Variants in GSG1L observed in about 807,000 individuals in gnomAD.
GSG1L encodes GSG1 like, also known as germ cell-specific gene 1-like protein.
A neutral mutation model predicts 42.1 loss-of-function variants in GSG1L; 24 were observed. The observed-to-expected ratio is 0.57, with a 90% confidence interval of 0.41 to 0.80. The LOEUF (loss-of-function observed/expected upper bound fraction) is 0.80, where lower values mean the gene tolerates loss of function less well. GSG1L is among the 30% of genes least tolerant of loss of function. GSG1L has a pLI of 0.00. For missense variants in GSG1L, 445 were observed against 472.2 expected (o/e 0.94, Z 0.53); for synonymous variants, 215 against 203.5 (o/e 1.06, Z -0.48).
intron 2 of GSG1L, among the ~76,000 whole-genome samples, chr16:27,908,912 C>T (rs1439298760): frequency 1.3e-5 from 2 of 152,180 alleles, no homozygotes; most frequent in African/African-American, 2.4e-5. Context: ...CCTCTTCCCA[C>T]CCCACCCCAA....
intron 2 of GSG1L, among the ~76,000 whole-genome samples, chr16:27,936,454 C>T (rs2084719212): frequency 6.6e-6 from 1 of 152,172 alleles, no homozygotes; most frequent in Non-Finnish European, 1.5e-5. Context: ...CCCGGCACCT[C>T]CCTCCGTCTC....
At chr16:27,843,172 T>C (rs2083405824) in intron 4 of GSG1L, among the ~76,000 whole-genome samples, 1 of 152,202 alleles carries the variant, frequency 6.6e-6, no homozygotes, top group Non-Finnish European at 1.5e-5. Context: ...GCTCCCCAAC[T>C]ACCAGCCCCA....
chr16:28,057,587 T>C (rs1361557803), intron 1 of GSG1L, among the ~76,000 whole-genome samples: 1 of 152,182 alleles, frequency 6.6e-6, no homozygotes, highest in African/African-American at 2.4e-5. Flanking sequence ...TCAAAGACAC[T>C]GGGAACACTG....
intron 3 of GSG1L, among the ~76,000 whole-genome samples, chr16:27,869,602 TGTCTCCATCTCTCTCTCCTCTCTGC>T (rs909602002): frequency 2.5e-4 from 36 of 145,172 alleles, no homozygotes; most frequent in East Asian, 1.5e-3. Flanking sequence ...TCTCTGTCTC[TGTCTCCATCTCTCTCTCCTCTCTGC>T]GTCTCCATCT....
In GSG1L at chr16:27,884,556, G is replaced by C. The variant is rs1269252885; in HGVS notation, c.480C>G (p.Leu160=). ...CGTCGATGACATTGCTGGAGTGGAA[G>C]AGCTCGAGACACATGAGGCTGAAGC... ...VVGFSLMCLE[L]FHSSNVIDGL... The change falls in exon 3 of 7, where the codon CTC becomes CTG. Residue 160 remains leucine (L), a synonymous_variant. Transcript: ENST00000447459. The surrounding 1 kb of genome is among the most constrained non-coding windows in gnomAD (Gnocchi z 4.4). 6.2e-7 allele frequency: 1 copy of C among 1,613,806 alleles called. No individual in the cohort carries two copies. Among genetic ancestry groups the C allele is most frequent in the Admixed American group, 1.7e-5 (1 of 59,986 alleles).
At chr16:27,888,501 T>TC (rs2084074868) in intron 2 of GSG1L, among the ~76,000 whole-genome samples, 4 of 12,748 alleles carry the variant, frequency 3.1e-4, no homozygotes, top group Admixed American at 8.3e-4. Context: ...CTTTCTTTCT[T>TC]TCTTTCTTTC....
At chr16:27,921,827 C>G (rs901679959) in intron 2 of GSG1L, among the ~76,000 whole-genome samples, 9 of 152,136 alleles carry the variant, frequency 5.9e-5, no homozygotes, top group African/African-American at 2.2e-4. Context: ...CTTGATCGTA[C>G]CTGTGACCCA....
intron 2 of GSG1L, among the ~76,000 whole-genome samples, chr16:27,897,768 C>T (rs2084208689): frequency 6.6e-6 from 1 of 152,212 alleles, no homozygotes; most frequent in Non-Finnish European, 1.5e-5. Flanking sequence ...GTCAAACAGA[C>T]ATGGATTTGA....
intron 1 of GSG1L, among the ~76,000 whole-genome samples, chr16:28,039,694 C>T (rs1375043319): frequency 6.6e-6 from 1 of 151,416 alleles, no homozygotes; most frequent in Non-Finnish European, 1.5e-5. Flanking sequence ...TGCACGCGCA[C>T]TACACATGCC....
At chr16:28,003,124 G>A (rs1248297640) in intron 1 of GSG1L, among the ~76,000 whole-genome samples, 1 of 152,148 alleles carries the variant, frequency 6.6e-6, no homozygotes, top group Non-Finnish European at 1.5e-5. Flanking sequence ...GCTCAGCCTC[G>A]TGCTGGGGCA....
chr16:28,003,815 G>A (rs1405547990), intron 1 of GSG1L, among the ~76,000 whole-genome samples: 1 of 152,220 alleles, frequency 6.6e-6, no homozygotes, highest in Non-Finnish European at 1.5e-5. Flanking sequence ...ACCTTAGGGA[G>A]TTGGGAGTTT....
intron 4 of GSG1L, among the ~76,000 whole-genome samples, chr16:27,837,684 C>A (rs2083335657): frequency 6.6e-6 from 1 of 152,228 alleles, no homozygotes; most frequent in Non-Finnish European, 1.5e-5. Context: ...TGATTGTCAC[C>A]AAAATCTAAC....
intron 4 of GSG1L, among the ~76,000 whole-genome samples, chr16:27,831,968 C>A (rs1298485904): frequency 6.6e-6 from 1 of 152,090 alleles, no homozygotes; most frequent in African/African-American, 2.4e-5. Context: ...AGGCTTTTTG[C>A]CCAGCTGGTC....
chr16:27,923,897 C>A (rs2084560811), intron 2 of GSG1L, among the ~76,000 whole-genome samples: 1 of 152,070 alleles, frequency 6.6e-6, no homozygotes, highest in African/African-American at 2.4e-5. Flanking sequence ...ATTAAAAGAA[C>A]AAACTCTGGA....
At chr16:27,815,744 A>T (rs2083087547) in intron 5 of GSG1L, among the ~76,000 whole-genome samples, 1 of 152,200 alleles carries the variant, frequency 6.6e-6, no homozygotes, top group South Asian at 2.1e-4. Flanking sequence ...TGGTTATTAT[A>T]AGGATTAAAC....
At chr16:28,041,865 C>T (rs528415524) in intron 1 of GSG1L, among the ~76,000 whole-genome samples, 5 of 152,212 alleles carry the variant, frequency 3.3e-5, no homozygotes, top group Non-Finnish European at 5.9e-5. Flanking sequence ...CGCTGGGCAT[C>T]GCAGATGTTG....
At chr16:27,977,029 A>G (rs1344407311) in intron 1 of GSG1L, among the ~76,000 whole-genome samples, 2 of 152,156 alleles carry the variant, frequency 1.3e-5, no homozygotes, top group African/African-American at 4.8e-5. Context: ...CGAGTTTGTC[A>G]TGTTGCCTTA....
chr16:28,011,487 G>T (rs1025101356), intron 1 of GSG1L, among the ~76,000 whole-genome samples: 3 of 152,220 alleles, frequency 2.0e-5, no homozygotes, highest in African/African-American at 7.2e-5. Context: ...GGGCCCATCC[G>T]AAAGAGGCAG....
chr16:27,824,712 C>T (rs74455158), intron 5 of GSG1L, among the ~76,000 whole-genome samples: 2,586 of 152,270 alleles, frequency 0.017, 69 homozygotes, highest in African/African-American at 0.058. Context: ...CATCTTGGGG[C>T]TGAGCTGTTA....
Sources: allele counts gnomAD v4.1 joint callset (sites outside exome capture counted in the v4.1 genomes callset), GRCh38; gene constraint gnomAD v4.1.1; non-coding constraint Gnocchi (gnomAD v3.1); transcripts MANE v1.5; gene names NCBI Gene and HGNC (gene_info 2026-07-23, HGNC 2026-07-21).